Variants in ADAMTS3 observed in about 807,000 individuals in gnomAD.
ADAMTS3 encodes the protein ADAM metallopeptidase with thrombospondin type 1 motif 3.
ADAMTS3 carries 73 observed loss-of-function variants against 129.0 expected under a neutral mutation model. The ratio of observed to expected loss-of-function variants is 0.57; its 90% CI spans 0.47 to 0.69. The LOEUF (loss-of-function observed/expected upper bound fraction) is 0.69. Among genes scored for constraint, ADAMTS3 ranks in the 30% least tolerant of loss-of-function variants. The probability of loss-of-function intolerance (pLI) is 0.00; values close to 1 mark genes in which losing one functional copy is unlikely to be tolerated. For synonymous variants in ADAMTS3, 477 were observed against 510.8 expected, an observed-to-expected ratio of 0.93 and a Z score of 0.89; for missense variants, 1,457 against 1,514.5, an observed-to-expected ratio of 0.96 and a Z score of 0.63.
At chr4:72,357,568 T>C (rs1237281271) in intron 4 of ADAMTS3, among the ~76,000 whole-genome samples, 1 of 151,864 alleles carries the variant, frequency 6.6e-6, no homozygotes, top group East Asian at 1.9e-4. Context: ...TATACATATA[T>C]GTGTGTGAAT....
rs896772941 is a variant in ADAMTS3, at chr4:72,282,932, A to G, written c.*204T>C. On this transcript the variant is annotated 3_prime_UTR_variant, in exon 22 of 22. Transcript: ENST00000286657. Reference sequence around the variant, plus strand: ...TAATAATCTTTGGTGATTTCTTCCAATGAATTCTGGTAAATGAGTCAATGC... The same window carrying G: ...TAATAATCTTTGGTGATTTCTTCCAGTGAATTCTGGTAAATGAGTCAATGC... 2.5e-5 allele frequency: 11 copies of G among 446,664 alleles called. No individual in the cohort carries two copies. Among genetic ancestry groups the G allele is most frequent in the East Asian group, 3.4e-5 (1 of 29,286 alleles). The allele number at this position is 446,664 out of a possible 1,614,324, so 27.7% of individuals were successfully genotyped here. A position where few individuals can be genotyped will look rare whatever the true frequency, so the allele number is the denominator to read the frequency against.
chr4:72,527,063 G>A (rs1488366605), intron 3 of ADAMTS3, among the ~76,000 whole-genome samples: 1 of 152,044 alleles, frequency 6.6e-6, no homozygotes, highest in African/African-American at 2.4e-5. Flanking sequence ...ACTAGTGTTA[G>A]CATTATGATA....
chr4:72,282,948 G>A lies in ADAMTS3; in HGVS notation c.*188C>T. The stretch of plus-strand genomic sequence containing the variant: ...TTTCTTCCAATGAATTCTGGTAAAT[G>A]AGTCAATGCAGAACAAAAGGAGGAT... On this transcript the variant is annotated 3_prime_UTR_variant, in exon 22 of 22. Transcript: ENST00000286657. 2.1e-6 allele frequency: 1 copy of A among 479,440 alleles called. No homozygotes were observed. Among genetic ancestry groups the A allele is most frequent in the Non-Finnish European group, 3.7e-6 (1 of 271,986 alleles). The allele number at this position is 479,440 out of a possible 1,614,324, so 29.7% of individuals were successfully genotyped here. A position where few individuals can be genotyped will look rare whatever the true frequency, so the allele number is the denominator to read the frequency against.
chr4:72,375,629 T>C (rs1262155678), intron 4 of ADAMTS3, among the ~76,000 whole-genome samples: 1 of 152,064 alleles, frequency 6.6e-6, no homozygotes, highest in African/African-American at 2.4e-5. Context: ...CAGGCAGGGG[T>C]CATGCTAGGC....
intron 3 of ADAMTS3, among the ~76,000 whole-genome samples, chr4:72,515,733 T>C (rs1279225135): frequency 2.0e-5 from 3 of 151,976 alleles, no homozygotes; most frequent in Admixed American, 1.3e-4. Flanking sequence ...ATTCTGGATA[T>C]TAGCCCTTTG....
At position 72,532,519 on chromosome 4, in the gene ADAMTS3, ACG is replaced by A. The variant is rs1491260860; in HGVS notation, c.504+15957_504+15958del. 2.7e-5 allele frequency among the ~76,000 whole-genome samples: 4 copies of A among 150,438 alleles called. 1 individual carries two copies. In the South Asian group the frequency reaches 8.4e-4, roughly 32 times the overall value. ...CACACACACACACACACACACACACACGTATAACTTTATATATATCTATCTTT... is the reference window on the plus strand; with the variant it reads ...CACACACACACACACACACACACACATATAACTTTATATATATCTATCTTT... On this transcript the variant is annotated intron_variant, in intron 3 of 21. Transcript: ENST00000286657.
At chr4:72,546,262 C>T (rs1408765841) in intron 3 of ADAMTS3, among the ~76,000 whole-genome samples, 1 of 152,080 alleles carries the variant, frequency 6.6e-6, no homozygotes, top group East Asian at 1.9e-4. Context: ...CCTCAAGCTT[C>T]CAAGAACCCC....
At position 72,339,666 on chromosome 4, in the gene ADAMTS3, A is replaced by G; in HGVS notation, c.689T>C (p.Leu230Pro). Residue 230 changes from leucine to proline, a missense_variant, in exon 5 of 22, where the codon CTA becomes CCA. Transcript: ENST00000286657. ...RESDLEGLDDLGTVYGNIHQQ... is the reference protein window; with the variant it reads ...RESDLEGLDDPGTVYGNIHQQ... ...GTGGATGTTGCCATAAACAGTACCT[A>G]GATCATCAAGGCCTTCCAGGTCCGA... 2 of 1,613,880 alleles carry G rather than the reference A, an allele frequency of 1.2e-6. No homozygotes were observed.
At chr4:72,391,596 A>G (rs1721597950) in intron 4 of ADAMTS3, among the ~76,000 whole-genome samples, 1 of 152,184 alleles carries the variant, frequency 6.6e-6, no homozygotes, top group Non-Finnish European at 1.5e-5. Flanking sequence ...GACTACAGTT[A>G]GATAATAAAC....
At chr4:72,311,543 T>C (rs559902896) in intron 13 of ADAMTS3, among the ~76,000 whole-genome samples, 10 of 152,286 alleles carry the variant, frequency 6.6e-5, no homozygotes, top group Admixed American at 1.3e-4. Flanking sequence ...TGAAAGAATG[T>C]CTGTGATTTG....
chr4:72,535,224 C>A (rs1266984255), intron 3 of ADAMTS3, among the ~76,000 whole-genome samples: 1 of 152,138 alleles, frequency 6.6e-6, no homozygotes, highest in Non-Finnish European at 1.5e-5. Context: ...ATCCTGCAAG[C>A]CCAAAGGAAG....
chr4:72,417,328 C>T lies in ADAMTS3; in HGVS notation c.505-2357G>A, dbSNP rs111313512. On this transcript the variant is annotated intron_variant, in intron 3 of 21. Coordinates refer to ENST00000286657, the MANE Select transcript of ADAMTS3 (RefSeq NM_014243.3). ...CAATGCGCAATGGCTATTGCAGTCA[C>T]TTGAAAGTGATAGGGAGGGCAGTGA... Among the ~76,000 whole-genome samples, 260 of 152,314 alleles carry T rather than the reference C, an allele frequency of 1.7e-3. 1 individual carries two copies. Among genetic ancestry groups the T allele is most frequent in the African/African-American group, 5.9e-3 (247 of 41,566 alleles).
chr4:72,382,162 A>G (rs1337701836), intron 4 of ADAMTS3, among the ~76,000 whole-genome samples: 1 of 152,150 alleles, frequency 6.6e-6, no homozygotes, highest in Non-Finnish European at 1.5e-5. Flanking sequence ...TGAAGCCTTG[A>G]AGGAAGACAG....
At chr4:72,431,940 A>G (rs1233785073) in intron 3 of ADAMTS3, among the ~76,000 whole-genome samples, 1 of 152,020 alleles carries the variant, frequency 6.6e-6, no homozygotes, top group Admixed American at 6.6e-5. Flanking sequence ...TAAAAGCTTA[A>G]GAAAAGGTAG....
intron 2 of ADAMTS3, among the ~76,000 whole-genome samples, chr4:72,555,805 G>T (rs1721749363): frequency 6.6e-6 from 1 of 151,426 alleles, no homozygotes; most frequent in Non-Finnish European, 1.5e-5. Context: ...TGGTGTTCTC[G>T]TGATAGTGAA....
chr4:72,482,734 TA>T lies in ADAMTS3; in HGVS notation c.504+65743del, dbSNP rs886966216. On this transcript the variant is annotated intron_variant, in intron 3 of 21. Coordinates refer to ENST00000286657, the MANE Select transcript of ADAMTS3 (RefSeq NM_014243.3). Reference sequence around the variant, plus strand: ...ATAACTATCTCAAAAAGGTTTAATTTAAAAAAAATGTAGATCATGATTTAGT... The same window carrying T: ...ATAACTATCTCAAAAAGGTTTAATTTAAAAAAATGTAGATCATGATTTAGT... Among the ~76,000 whole-genome samples the T allele has an allele frequency of 3.9e-5, 6 of 151,930 alleles. No individual in the cohort carries two copies. In the South Asian group the frequency reaches 1.0e-3, roughly 26 times the overall value.
intron 1 of ADAMTS3, 138 bp from the exon 2 acceptor site, chr4:72,567,539 G>A: frequency 1.3e-6 from 1 of 799,048 alleles, no homozygotes; most frequent in South Asian, 1.8e-5. Flanking sequence ...GGTGCCTAAA[G>A]CCTGCACCTT....
intron 3 of ADAMTS3, among the ~76,000 whole-genome samples, chr4:72,428,458 T>C (rs1025404106): frequency 2.6e-5 from 4 of 152,072 alleles, no homozygotes; most frequent in South Asian, 2.1e-4. Flanking sequence ...AAAAGACTTA[T>C]ATTGGATGGC....
At chr4:72,351,849 A>G (rs1720445745) in intron 4 of ADAMTS3, among the ~76,000 whole-genome samples, 1 of 152,036 alleles carries the variant, frequency 6.6e-6, no homozygotes, top group Admixed American at 6.6e-5. Flanking sequence ...TAGGGTTTTA[A>G]AAATCATATT....
Sources: gnomAD v4.1 joint callset for allele counts (sites outside exome capture counted in the v4.1 genomes callset) on GRCh38, gnomAD v4.1.1 for gene constraint, MANE v1.5 for transcripts, NCBI Gene and HGNC (gene_info 2026-07-23, HGNC 2026-07-21) for gene names.